Variants in SYNDIG1 observed in about 807,000 individuals in gnomAD.
SYNDIG1 encodes synapse differentiation inducing 1, also known as synapse differentiation-inducing gene protein 1.
A neutral mutation model predicts 19.4 loss-of-function variants in SYNDIG1; 9 were observed. The observed-to-expected ratio is 0.46, with a 90% CI of 0.28 to 0.81. SYNDIG1 has a LOEUF of 0.81. Among genes scored for constraint, SYNDIG1 ranks in the 30% least tolerant of loss-of-function variants. SYNDIG1 has a pLI of 0.12. For missense variants in SYNDIG1, 311 were observed against 343.3 expected, an observed-to-expected ratio of 0.91 and a Z score of 0.74; for synonymous variants, 141 against 145.9, an observed-to-expected ratio of 0.97 and a Z score of 0.24.
At chr20:24,571,924 C>G (rs1274706145) in intron 2 of SYNDIG1, among the ~76,000 whole-genome samples, 3 of 152,100 alleles carry the variant, frequency 2.0e-5, no homozygotes, top group African/African-American at 7.2e-5. Context: ...GCCTTTCAAC[C>G]CAAAAAAATT....
intron 3 of SYNDIG1, among the ~76,000 whole-genome samples, chr20:24,638,519 G>A (rs371573605): frequency 2.6e-5 from 4 of 151,746 alleles, no homozygotes; most frequent in Non-Finnish European, 4.4e-5. Flanking sequence ...CACCATGCCC[G>A]GTGAATTTTT....
At chr20:24,571,042 T>C (rs187835168) in intron 2 of SYNDIG1, among the ~76,000 whole-genome samples, 1 of 152,342 alleles carries the variant, frequency 6.6e-6, no homozygotes, top group Admixed American at 6.5e-5. Flanking sequence ...ATATACTGTA[T>C]GTTTCCATTC....
At chr20:24,633,278 G>A (rs1033337210) in intron 3 of SYNDIG1, among the ~76,000 whole-genome samples, 20 of 152,090 alleles carry the variant, frequency 1.3e-4, no homozygotes, top group African/African-American at 4.3e-4. Flanking sequence ...CTGAGCCCTC[G>A]CTGGCTGCAG....
chr20:24,543,918 G>T (rs1446842038), intron 2 of SYNDIG1, among the ~76,000 whole-genome samples: 1 of 152,156 alleles, frequency 6.6e-6, no homozygotes, highest in East Asian at 1.9e-4. Flanking sequence ...ATGAGAGAGG[G>T]ACACCTGATC....
intron 2 of SYNDIG1, among the ~76,000 whole-genome samples, chr20:24,580,443 C>T (rs1006167194): frequency 1.3e-5 from 2 of 152,190 alleles, no homozygotes; most frequent in East Asian, 3.9e-4. Context: ...CGGAGCCTCA[C>T]TCTGTTGCCC....
In SYNDIG1 at chr20:24,658,323, C is replaced by T. The variant is rs1034930439; in HGVS notation, c.619-7023C>T. 2.0e-5 allele frequency among the ~76,000 whole-genome samples: 3 copies of T among 151,998 alleles called. No homozygotes were observed. The highest frequency in any genetic ancestry group is 4.4e-5 in the Non-Finnish European group (3 of 67,986). On this transcript the variant is annotated intron_variant, in intron 3 of 3. Coordinates refer to ENST00000376862, the MANE Select transcript of SYNDIG1 (RefSeq NM_024893.3). The surrounding 1 kb of genome is among the most constrained non-coding windows in gnomAD (Gnocchi z 4.4). ...TGTCTCGGGGAAAGGCAGGTAGTGA[C>T]GCGGCAGGGGACTGGAGCTCGGTGG...
chr20:24,529,879 T>C (rs1600532745), intron 1 of SYNDIG1, among the ~76,000 whole-genome samples: 1 of 37,356 alleles, frequency 2.7e-5, no homozygotes, highest in South Asian at 9.8e-4. Flanking sequence ...GGGATGATGG[T>C]GGTGATGGTG....
chr20:24,648,491 T>C (rs572926835), intron 3 of SYNDIG1, among the ~76,000 whole-genome samples: 7 of 152,308 alleles, frequency 4.6e-5, no homozygotes, highest in African/African-American at 1.7e-4. Flanking sequence ...ACATTTCGGG[T>C]TAGTTCAGGC....
chr20:24,608,264 C>A (rs917744454), intron 3 of SYNDIG1, among the ~76,000 whole-genome samples: 1 of 151,682 alleles, frequency 6.6e-6, no homozygotes, highest in Non-Finnish European at 1.5e-5. Flanking sequence ...CAGCTCACTC[C>A]GCCTCCCGGG....
At chr20:24,523,885 A>G (rs575562947) in intron 1 of SYNDIG1, among the ~76,000 whole-genome samples, 7 of 152,328 alleles carry the variant, frequency 4.6e-5, no homozygotes, top group African/African-American at 1.4e-4. Context: ...TAAATGGGAC[A>G]GATTGCTGCT....
At position 24,543,042 on chromosome 20, in the gene SYNDIG1, A is replaced by G; in HGVS notation, c.-56A>G. On this transcript the variant is annotated 5_prime_UTR_variant, in exon 2 of 4. Transcript: ENST00000376862. The stretch of plus-strand genomic sequence containing the variant: ...CAGGAGAAATGGCTTCCCTGAGGCA[A>G]GTGTAACCTACATTCCCAGCCCACC... The G allele has an allele frequency of 2.5e-6, 4 of 1,569,120 alleles. No individual in the cohort carries two copies. Among genetic ancestry groups the G allele is most frequent in the Non-Finnish European group, 3.5e-6 (4 of 1,154,278 alleles).
intron 2 of SYNDIG1, among the ~76,000 whole-genome samples, chr20:24,571,565 CAT>C (rs1434577265): frequency 5.3e-5 from 8 of 151,982 alleles, no homozygotes; most frequent in African/African-American, 1.9e-4. Flanking sequence ...TATATGAAGT[CAT>C]GTTTAATGAA....
At chr20:24,517,350 T>G (rs1475966783) in intron 1 of SYNDIG1, among the ~76,000 whole-genome samples, 1 of 150,546 alleles carries the variant, frequency 6.6e-6, no homozygotes, top group Non-Finnish European at 1.5e-5. Flanking sequence ...GTGTGGTGGC[T>G]CACGCCTGTA....
At chr20:24,537,884 G>A (rs2057392956) in intron 1 of SYNDIG1, among the ~76,000 whole-genome samples, 1 of 151,870 alleles carries the variant, frequency 6.6e-6, no homozygotes, top group African/African-American at 2.4e-5. Context: ...GGAGGAGGAG[G>A]AATTCCAGAT....
In SYNDIG1 at chr20:24,658,213, C is replaced by T. The variant is rs1465676681; in HGVS notation, c.619-7133C>T. ...ACAAGCAAAAGCTCATTGGAAACTC[C>T]ATGAAGAGCGAAGAGAAATGGCAGC... On this transcript the variant is annotated intron_variant, in intron 3 of 3. Coordinates refer to ENST00000376862, the MANE Select transcript of SYNDIG1 (RefSeq NM_024893.3). This position sits in a 1 kb window ranked among gnomAD's most constrained non-coding sequence, Gnocchi z 4.4. 6.6e-6 allele frequency among the ~76,000 whole-genome samples: 1 copy of T among 152,182 alleles called. No homozygotes were observed. Among genetic ancestry groups the T allele is most frequent in the African/African-American group, 2.4e-5 (1 of 41,444 alleles).
intron 3 of SYNDIG1, among the ~76,000 whole-genome samples, chr20:24,624,220 C>A (rs1600772766): frequency 7.8e-6 from 1 of 127,720 alleles, no homozygotes; most frequent in Non-Finnish European, 1.6e-5. Flanking sequence ...CCTGCCACTG[C>A]AATCCAGCCC....
At chr20:24,538,879 G>A (rs2057412763) in intron 1 of SYNDIG1, among the ~76,000 whole-genome samples, 1 of 151,760 alleles carries the variant, frequency 6.6e-6, no homozygotes, top group Non-Finnish European at 1.5e-5. Context: ...CTTTTCCTGG[G>A]CTTATTGGCC....
Position 24,543,086 on chromosome 20 carries a change from G to T in SYNDIG1, c.-12G>T. 1 of 1,607,820 alleles carries T rather than the reference G, an allele frequency of 6.2e-7. No individual in the cohort carries two copies. Among genetic ancestry groups the T allele is most frequent in the Non-Finnish European group, 8.5e-7 (1 of 1,175,056 alleles). Reference sequence around the variant, plus strand: ...GCCCACCAGCCTGACGCCCAGCCAGGGAGAGAGTACCATGGATGGCATCAT... The same window carrying T: ...GCCCACCAGCCTGACGCCCAGCCAGTGAGAGAGTACCATGGATGGCATCAT... On this transcript the variant is annotated 5_prime_UTR_variant, in exon 2 of 4. Transcript: ENST00000376862.
chr20:24,585,115 C>T (rs976376519), intron 3 of SYNDIG1, 122 bp downstream of exon 3: 16 of 1,308,576 alleles, frequency 1.2e-5, no homozygotes, highest in Admixed American at 8.8e-5. Flanking sequence ...ACAGCTGGGT[C>T]GGCACTTGCC....
Sources: allele counts gnomAD v4.1 joint callset (sites outside exome capture counted in the v4.1 genomes callset), GRCh38; gene constraint gnomAD v4.1.1; non-coding constraint Gnocchi (gnomAD v3.1); transcripts MANE v1.5; gene names NCBI Gene and HGNC (gene_info 2026-07-23, HGNC 2026-07-21).